ULK4: variants seen among roughly 807,000 people sequenced by gnomAD.
ULK4 encodes unc-51 like kinase 4.
A neutral mutation model predicts 160.6 loss-of-function variants in ULK4; 133 were observed. The observed-to-expected ratio is 0.83, with a 90% CI of 0.72 to 0.96. The LOEUF is 0.96. ULK4 is among the 40% of genes least tolerant of loss of function. The probability of loss-of-function intolerance (pLI) is 0.00; values close to 1 mark genes in which losing one functional copy is unlikely to be tolerated. For missense variants in ULK4, 1,580 were observed against 1,499.5 expected (o/e 1.05, Z -0.89); for synonymous variants, 534 against 539.8 (o/e 0.99, Z 0.15).
At chr3:41,423,559 G>T (rs1292827339) in intron 34 of ULK4, among the ~76,000 whole-genome samples, 1 of 152,074 alleles carries the variant, frequency 6.6e-6, no homozygotes, top group African/African-American at 2.4e-5. Context: ...TTGGTTATAA[G>T]ATTCAAAAGC....
chr3:41,599,080 G>A (rs1312671106), intron 31 of ULK4, among the ~76,000 whole-genome samples: 1 of 152,236 alleles, frequency 6.6e-6, no homozygotes, highest in Non-Finnish European at 1.5e-5. Flanking sequence ...AGTGCATCAT[G>A]TCACTCTGAC....
intron 35 of ULK4, among the ~76,000 whole-genome samples, chr3:41,276,173 A>C (rs1308086052): frequency 6.6e-6 from 1 of 152,250 alleles, no homozygotes; most frequent in Non-Finnish European, 1.5e-5. Flanking sequence ...TGCACTGACT[A>C]GTTGGTTCTT....
chr3:41,467,923 C>T (rs1383191312), intron 32 of ULK4, among the ~76,000 whole-genome samples: 1 of 152,072 alleles, frequency 6.6e-6, no homozygotes, highest in Non-Finnish European at 1.5e-5. Context: ...CCTTTTACTG[C>T]ATATAAAATA....
intron 32 of ULK4, among the ~76,000 whole-genome samples, chr3:41,474,280 G>A (rs998023016): frequency 7.9e-5 from 12 of 152,124 alleles, no homozygotes; most frequent in African/African-American, 2.9e-4. Flanking sequence ...TCAGTAAATG[G>A]TGCTAGGTAA....
intron 35 of ULK4, among the ~76,000 whole-genome samples, chr3:41,313,308 G>A (rs549716856): frequency 1.3e-5 from 2 of 152,316 alleles, no homozygotes; most frequent in African/African-American, 4.8e-5. Flanking sequence ...TGGTTGTTGT[G>A]AGAATTAAAC....
intron 35 of ULK4, among the ~76,000 whole-genome samples, chr3:41,353,583 A>C (rs772714880): frequency 2.6e-5 from 4 of 151,924 alleles, no homozygotes; most frequent in Non-Finnish European, 5.9e-5. Flanking sequence ...CAGGAGGATC[A>C]CCTGAGCCCA....
chr3:41,435,429 T>C (rs1273880195), intron 34 of ULK4, among the ~76,000 whole-genome samples: 1 of 152,142 alleles, frequency 6.6e-6, no homozygotes, highest in East Asian at 1.9e-4. Flanking sequence ...CCAAAATAAC[T>C]ATATATCTGT....
rs74824325 is a variant in ULK4 at position 41,466,522 on chromosome 3, G to A, written c.3227-3269C>T. 3.8e-3 allele frequency among the ~76,000 whole-genome samples: 572 copies of A among 152,166 alleles called. 2 individuals carry two copies. Among genetic ancestry groups the A allele is most frequent in the South Asian group, 0.015 (70 of 4,812 alleles). ...CAACATACAAACACTAATTTCAGAT[G>A]AATGATAGATCTAAACATACATGCT... On this transcript the variant is annotated intron_variant, in intron 32 of 36. Transcript: ENST00000301831.
At chr3:41,390,568 C>T (rs552954548) in intron 35 of ULK4, among the ~76,000 whole-genome samples, 44 of 152,116 alleles carry the variant, frequency 2.9e-4, no homozygotes, top group African/African-American at 1.0e-3. Flanking sequence ...TATGTTGTGT[C>T]TTTGTTCTCG....
intron 32 of ULK4, among the ~76,000 whole-genome samples, chr3:41,470,214 C>T (rs915916952): frequency 2.0e-5 from 3 of 151,928 alleles, no homozygotes; most frequent in African/African-American, 7.3e-5. Flanking sequence ...AGAAAATATG[C>T]TAATATGCTG....
chr3:41,306,223 G>A (rs1181876735), intron 35 of ULK4, among the ~76,000 whole-genome samples: 1 of 92,532 alleles, frequency 1.1e-5, no homozygotes, highest in Non-Finnish European at 2.0e-5. Flanking sequence ...GGGAGGTGGG[G>A]GCGTCAGCCC....
intron 27 of ULK4, among the ~76,000 whole-genome samples, chr3:41,688,311 T>C (rs949945017): frequency 3.9e-5 from 6 of 152,268 alleles, no homozygotes; most frequent in Non-Finnish European, 5.9e-5. Flanking sequence ...CTCAGCTACT[T>C]AGGAGGCCGA....
chr3:41,734,037 T>C (rs555861450), intron 22 of ULK4, among the ~76,000 whole-genome samples: 1 of 152,200 alleles, frequency 6.6e-6, no homozygotes, highest in Non-Finnish European at 1.5e-5. Flanking sequence ...TGCGCCCAGC[T>C]AGATGTTTTC....
At chr3:41,469,602 C>CAAAAAAAAAAAAAAAAAAAAAAAA (rs71616008) in intron 32 of ULK4, among the ~76,000 whole-genome samples, 11 of 11,314 alleles carry the variant, frequency 9.7e-4, no homozygotes, top group Non-Finnish European at 1.6e-3. Flanking sequence ...CTACACCTGC[C>CAAAAAAAAAAAAAAAAAAAAAAAA]AAAAAAAAAA....
At chr3:41,279,995 C>T (rs112104311) in intron 35 of ULK4, among the ~76,000 whole-genome samples, 118 of 152,154 alleles carry the variant, frequency 7.8e-4, no homozygotes, top group African/African-American at 2.7e-3. Context: ...AACTAAAAAA[C>T]AGGGGTTGCA....
intron 17 of ULK4, among the ~76,000 whole-genome samples, chr3:41,836,829 C>T (rs543801166): frequency 1.2e-4 from 19 of 152,304 alleles, no homozygotes; most frequent in Admixed American, 8.5e-4. Context: ...AAGAAAATCA[C>T]ATACACTCAT....
chr3:41,429,436 A>G (rs1251276858), intron 34 of ULK4, among the ~76,000 whole-genome samples: 1 of 152,230 alleles, frequency 6.6e-6, no homozygotes, highest in East Asian at 1.9e-4. Context: ...TCTGTTACAA[A>G]GATACATGCA....
intron 31 of ULK4, among the ~76,000 whole-genome samples, chr3:41,576,706 C>T (rs1326625257): frequency 2.6e-5 from 4 of 152,182 alleles, no homozygotes; most frequent in Admixed American, 2.6e-4. Flanking sequence ...AGTTTATATT[C>T]ACTTTTGAAT....
At chr3:41,721,262 T>G (rs2037446714) in intron 22 of ULK4, among the ~76,000 whole-genome samples, 2 of 103,798 alleles carry the variant, frequency 1.9e-5, no homozygotes, top group Non-Finnish European at 3.8e-5. Flanking sequence ...TGAATTTTTT[T>G]TTTTTTTTTT....
Sources: allele counts gnomAD v4.1 joint callset (sites outside exome capture counted in the v4.1 genomes callset), GRCh38; gene constraint gnomAD v4.1.1; transcripts MANE v1.5; gene names NCBI Gene and HGNC (gene_info 2026-07-23, HGNC 2026-07-21).